The following WDPCP variants were observed in gnomAD, a reference collection of about 807,000 sequenced individuals.
WDPCP encodes WD repeat containing planar cell polarity effector, also known as WD repeat-containing and planar cell polarity effector protein fritz homolog.
WDPCP carries 71 observed loss-of-function variants against 93.1 expected under a neutral mutation model. The observed-to-expected ratio is 0.76, with a 90% confidence interval of 0.63 to 0.93. The LOEUF (loss-of-function observed/expected upper bound fraction) is 0.93, where lower values mean the gene tolerates loss of function less well. Ranked by LOEUF, WDPCP falls within the 40% of genes least tolerant of loss-of-function variation. The pLI, the probability that WDPCP is intolerant of heterozygous loss-of-function variation, is 0.00. For synonymous variants in WDPCP, 315 were observed against 315.0 expected (o/e 1.00, Z 0.00); for missense variants, 844 against 887.4 (o/e 0.95, Z 0.62).
intron 3 of WDPCP, among the ~76,000 whole-genome samples, chr2:63,602,934 CTTTTTTTTTTTTT>C (rs370479356): frequency 7.6e-6 from 1 of 131,618 alleles, no homozygotes; most frequent in Non-Finnish European, 1.7e-5. Flanking sequence ...TTTAACCGTT[CTTTTTTTTTTTTT>C]TTTTTTTTTT....
upstream of WDPCP, among the ~76,000 whole-genome samples, chr2:63,830,899 A>G (rs1671182630): frequency 6.6e-6 from 1 of 152,158 alleles, no homozygotes; most frequent in South Asian, 2.1e-4. Flanking sequence ...CTAAATTTAT[A>G]CCAGCAGGCT....
chr2:63,249,521 A>C (rs1680549588), intron 14 of WDPCP, among the ~76,000 whole-genome samples: 1 of 152,194 alleles, frequency 6.6e-6, no homozygotes, highest in South Asian at 2.1e-4. Flanking sequence ...GGGTTTTGGC[A>C]ATATAACCCC....
chr2:63,474,694 A>G (rs1384703914), intron 6 of WDPCP, among the ~76,000 whole-genome samples: 2 of 152,132 alleles, frequency 1.3e-5, no homozygotes, highest in Admixed American at 6.6e-5. Context: ...AGATTCAACA[A>G]TATTGGTAAT....
At chr2:63,640,375 T>C (rs1709968084) in intron 3 of WDPCP, among the ~76,000 whole-genome samples, 1 of 152,166 alleles carries the variant, frequency 6.6e-6, no homozygotes, top group East Asian at 1.9e-4. Context: ...TCCCCTGTAG[T>C]CCCAGCTATT....
At chr2:63,747,614 C>T (rs536309508) in intron 2 of WDPCP, among the ~76,000 whole-genome samples, 2 of 151,926 alleles carry the variant, frequency 1.3e-5, no homozygotes, top group East Asian at 3.9e-4. Flanking sequence ...TATTTCTGGG[C>T]TTTAATTCTG....
intron 9 of WDPCP, among the ~76,000 whole-genome samples, chr2:63,425,430 G>T (rs935794845): frequency 3.9e-5 from 6 of 152,126 alleles, no homozygotes; most frequent in Admixed American, 2.6e-4. Context: ...TGGCAATGAA[G>T]CTCATCAAGA....
chr2:63,821,574 A>G (rs1671019013), intron 1 of WDPCP, among the ~76,000 whole-genome samples: 1 of 152,066 alleles, frequency 6.6e-6, no homozygotes, highest in African/African-American at 2.4e-5. Context: ...CAGCAGAGTG[A>G]CAAGATCAGA....
chr2:63,578,346 C>A (rs538660708), intron 1 of WDPCP, among the ~76,000 whole-genome samples: 1 of 152,142 alleles, frequency 6.6e-6, no homozygotes, highest in Non-Finnish European at 1.5e-5. Context: ...CTACAGACAG[C>A]GCACAGCTCT....
At chr2:63,298,940 G>C (rs1372791084) in intron 13 of WDPCP, among the ~76,000 whole-genome samples, 2 of 152,298 alleles carry the variant, frequency 1.3e-5, no homozygotes, top group South Asian at 2.1e-4. Context: ...CCAATGTCCT[G>C]TCTTTTTATG....
At chr2:63,634,112 GACAAAA>G (rs1709896844) in intron 3 of WDPCP, among the ~76,000 whole-genome samples, 1 of 151,880 alleles carries the variant, frequency 6.6e-6, no homozygotes, top group Non-Finnish European at 1.5e-5. Context: ...TGCCTGAGTA[GACAAAA>G]ACAAAAACAA....
chr2:63,197,987 T>G (rs1262352750), intron 14 of WDPCP, among the ~76,000 whole-genome samples: 3 of 152,186 alleles, frequency 2.0e-5, no homozygotes, highest in Admixed American at 6.5e-5. Flanking sequence ...AGGGGAGATA[T>G]TTTGTCTACT....
At chr2:63,684,269 G>A in intron 2 of WDPCP, 4 of 522,762 alleles carry the variant, frequency 7.7e-6, no homozygotes, top group Middle Eastern at 6.4e-4. Context: ...AGTAAGAAAC[G>A]CCCTTTTTGC....
chr2:63,414,859 C>T (rs1450403480), intron 9 of WDPCP, among the ~76,000 whole-genome samples: 1 of 152,024 alleles, frequency 6.6e-6, no homozygotes, highest in African/African-American at 2.4e-5. Flanking sequence ...CCACCTTTAC[C>T]CCAATAAGTT....
At chr2:63,562,876 T>C (rs1706731320) in intron 1 of WDPCP, among the ~76,000 whole-genome samples, 1 of 152,188 alleles carries the variant, frequency 6.6e-6, no homozygotes. Flanking sequence ...CAACATTTCA[T>C]TGTTTTCTGG....
intron 10 of WDPCP, among the ~76,000 whole-genome samples, chr2:63,399,730 G>C (rs1002603002): frequency 6.6e-6 from 1 of 152,084 alleles, no homozygotes; most frequent in Non-Finnish European, 1.5e-5. Context: ...TGTGTATGGA[G>C]ACATACAACT....
chr2:63,309,937 T>G (rs1189793661), intron 13 of WDPCP, among the ~76,000 whole-genome samples: 1 of 152,172 alleles, frequency 6.6e-6, no homozygotes, highest in Non-Finnish European at 1.5e-5. Context: ...ACTCTGAAAC[T>G]AGGCTGCCTT....
chr2:63,784,459 T>C (rs1670439864), intron 2 of WDPCP, among the ~76,000 whole-genome samples: 1 of 152,162 alleles, frequency 6.6e-6, no homozygotes, highest in Admixed American at 6.6e-5. Flanking sequence ...GCTCTTATTC[T>C]TTCTATAATG....
chr2:63,725,218 C>T (rs1669480377), intron 2 of WDPCP, among the ~76,000 whole-genome samples: 1 of 152,166 alleles, frequency 6.6e-6, no homozygotes, highest in African/African-American at 2.4e-5. Context: ...CACCCTCCAG[C>T]AGGCTCCCAT....
chr2:63,800,126 A>T (rs957447810), intron 2 of WDPCP, among the ~76,000 whole-genome samples: 11 of 152,192 alleles, frequency 7.2e-5, no homozygotes, highest in Admixed American at 3.9e-4. Flanking sequence ...CACTGATCCC[A>T]AATAAGGCAT....
Sources: allele counts gnomAD v4.1 joint callset (sites outside exome capture counted in the v4.1 genomes callset), GRCh38; gene constraint gnomAD v4.1.1; transcripts MANE v1.5; gene names NCBI Gene and HGNC (gene_info 2026-07-23, HGNC 2026-07-21).